Variants in EBF3 observed in about 807,000 individuals in gnomAD.
EBF3 encodes the protein transcription factor COE3.
EBF3 carries 18 observed loss-of-function variants against 77.1 expected under a neutral mutation model. The observed-to-expected ratio is 0.23, with a 90% CI of 0.16 to 0.35. The LOEUF is 0.35. Ranked by LOEUF, EBF3 falls within the 10% of genes least tolerant of loss-of-function variation. The pLI is 1.00. For synonymous variants in EBF3, 350 were observed against 343.5 expected (o/e 1.02, Z -0.21); for missense variants, 558 against 860.0 (o/e 0.65, Z 4.39).
intron 6 of EBF3, among the ~76,000 whole-genome samples, chr10:129,905,836 C>T (rs965419965): frequency 3.9e-5 from 6 of 152,170 alleles, no homozygotes; most frequent in Admixed American, 2.0e-4. Context: ...GTTGGGCCCC[C>T]GAGGTGACAT....
intron 6 of EBF3, among the ~76,000 whole-genome samples, chr10:129,888,272 C>A (rs1853758037): frequency 6.6e-6 from 1 of 152,176 alleles, no homozygotes; most frequent in South Asian, 2.1e-4. Context: ...ACTGAAGGGC[C>A]CGAGGCGGTG....
At chr10:129,875,228 G>A (rs556950452) in intron 7 of EBF3, among the ~76,000 whole-genome samples, 24 of 115,534 alleles carry the variant, frequency 2.1e-4, no homozygotes, top group African/African-American at 5.1e-4. Context: ...ATGGAGTCTC[G>A]CTCTGTTGCC....
At chr10:129,911,135 C>G (rs1409294148) in intron 6 of EBF3, among the ~76,000 whole-genome samples, 1 of 152,238 alleles carries the variant, frequency 6.6e-6, no homozygotes, top group Non-Finnish European at 1.5e-5. Flanking sequence ...CATGCCTCTG[C>G]CCCCACACGG....
rs181865025 is a variant in EBF3 at position 129,857,275 on chromosome 10, A to C, written c.1040-8795T>G. The stretch of plus-strand genomic sequence containing the variant: ...CATGCTGGATTATGTGTCTCCTATA[A>C]AACCGTCCTATTTCCACATAGGGGT... On this transcript the variant is annotated intron_variant, in intron 10 of 16. Transcript: ENST00000440978. 2.9e-3 allele frequency among the ~76,000 whole-genome samples: 435 copies of C among 152,246 alleles called. 3 individuals carry two copies. The highest frequency in any genetic ancestry group is 4.8e-3 in the Non-Finnish European group (329 of 67,996).
intron 6 of EBF3, among the ~76,000 whole-genome samples, chr10:129,904,627 AATGGATGGATGG>A (rs34613166): frequency 8.0e-4 from 120 of 149,824 alleles, no homozygotes; most frequent in Non-Finnish European, 2.8e-4. Context: ...TGGATGGACA[AATGGATGGATGG>A]ATGGATGGAT....
At chr10:129,929,044 G>A (rs141588432) in intron 6 of EBF3, among the ~76,000 whole-genome samples, 7 of 152,258 alleles carry the variant, frequency 4.6e-5, no homozygotes, top group African/African-American at 7.2e-5. Flanking sequence ...GGAGACCCTC[G>A]GGCTGTGCTC....
rs1314007304 is a variant in EBF3, at chr10:129,861,520, A to T, written c.1039+5621T>A. On this transcript the variant is annotated intron_variant, in intron 10 of 16. Transcript: ENST00000440978. This position sits in a 1 kb window ranked among gnomAD's most constrained non-coding sequence, Gnocchi z 4.3. ...GATAGAACCAACCTGATAGAAAAGC[A>T]AAGGTGCCTGGAGGGTGTCTATTCT... 6.7e-6 allele frequency among the ~76,000 whole-genome samples: 1 copy of T among 148,558 alleles called. No individual in the cohort carries two copies. Among genetic ancestry groups the T allele is most frequent in the Non-Finnish European group, 1.5e-5 (1 of 66,978 alleles).
intron 10 of EBF3, among the ~76,000 whole-genome samples, chr10:129,854,401 C>T (rs7067885): frequency 0.029 from 4,359 of 152,118 alleles, 85 homozygotes; most frequent in East Asian, 0.069. Context: ...GAAAAGCGGC[C>T]AGGGCAGCTG....
intron 6 of EBF3, among the ~76,000 whole-genome samples, chr10:129,932,285 G>A (rs929548590): frequency 6.6e-6 from 1 of 152,216 alleles, no homozygotes; most frequent in African/African-American, 2.4e-5. Flanking sequence ...TCACATTGGG[G>A]CATTCATTCC....
chr10:129,851,119 T>C (rs1850849774), intron 10 of EBF3, among the ~76,000 whole-genome samples: 1 of 152,216 alleles, frequency 6.6e-6, no homozygotes, highest in Non-Finnish European at 1.5e-5. Flanking sequence ...TTTGCTGATA[T>C]TAAGATAAAT....
rs1241819583 is a variant in EBF3, at chr10:129,864,121, C to T, written c.1039+3020G>A. Among the ~76,000 whole-genome samples, 1 of 152,086 alleles carries T rather than the reference C, an allele frequency of 6.6e-6. No individual in the cohort carries two copies. The highest frequency in any genetic ancestry group is 1.5e-5 in the Non-Finnish European group (1 of 68,022). ...GGCTGGAACTAAGGGGTCCACTGGT[C>T]CCTTAGTAGGAGGATATGAGACCTG... On this transcript the variant is annotated intron_variant, in intron 10 of 16. Transcript: ENST00000440978. This position sits in a 1 kb window ranked among gnomAD's most constrained non-coding sequence, Gnocchi z 4.4.
chr10:129,842,000 A>T lies in EBF3; in HGVS notation c.1372+116T>A. On this transcript the variant is annotated intron_variant, in intron 13 of 16. Coordinates refer to ENST00000440978, the MANE Select transcript of EBF3 (RefSeq NM_001375380.1). This position sits in a 1 kb window ranked among gnomAD's most constrained non-coding sequence, Gnocchi z 4.6. The stretch of plus-strand genomic sequence containing the variant: ...CAAAGGAACCAGCAGAGCCAGAGAG[A>T]ACAGAACGCTACGGACATTCCCCAG... 7.4e-7 allele frequency: 1 copy of T among 1,360,016 alleles called. No individual in the cohort carries two copies. The highest frequency in any genetic ancestry group is 1.0e-6 in the Non-Finnish European group (1 of 986,132). The allele number at this position is 1,360,016 out of a possible 1,614,324, so 84.2% of individuals were successfully genotyped here. A position where few individuals can be genotyped will look rare whatever the true frequency, so the allele number is the denominator to read the frequency against.
At chr10:129,958,564 G>T (rs942822308) in intron 5 of EBF3, among the ~76,000 whole-genome samples, 2 of 152,156 alleles carry the variant, frequency 1.3e-5, no homozygotes, top group Non-Finnish European at 2.9e-5. Flanking sequence ...ATCAATAACA[G>T]ACAATTGTAT....
chr10:129,895,255 C>G (rs1458117737), intron 6 of EBF3, among the ~76,000 whole-genome samples: 1 of 152,250 alleles, frequency 6.6e-6, no homozygotes, highest in Non-Finnish European at 1.5e-5. Flanking sequence ...GGGAAGCCAC[C>G]TGGCTGCTCT....
chr10:129,959,045 G>A (rs761949733), intron 4 of EBF3, 38 bp from the exon 5 acceptor site: 3 of 1,595,328 alleles, frequency 1.9e-6, no homozygotes, highest in Non-Finnish European at 2.6e-6. Flanking sequence ...GTTACGCGGC[G>A]CCCGCGGCTT....
intron 6 of EBF3, among the ~76,000 whole-genome samples, chr10:129,925,610 A>T (rs1199746531): frequency 6.6e-6 from 1 of 151,760 alleles, no homozygotes; most frequent in Non-Finnish European, 1.5e-5. Flanking sequence ...AAAAAAAAGA[A>T]AGAAAGAAAG....
At chr10:129,847,931 TA>T (rs1240082911) in intron 11 of EBF3, among the ~76,000 whole-genome samples, 1 of 152,202 alleles carries the variant, frequency 6.6e-6, no homozygotes, top group Non-Finnish European at 1.5e-5. Context: ...AAAAGCTTTG[TA>T]AACAAAAGAT....
At position 129,868,038 on chromosome 10, in the gene EBF3, G is replaced by T. The variant is rs367926964; in HGVS notation, c.782-126C>A. On this transcript the variant is annotated intron_variant, in intron 8 of 16. Transcript: ENST00000440978. Reference sequence around the variant, plus strand: ...GGCGCGCCGTTCCTCCAGGCGGCACGCAAAGGGCAACCGTAGATCAGCATG... The same window carrying T: ...GGCGCGCCGTTCCTCCAGGCGGCACTCAAAGGGCAACCGTAGATCAGCATG... 450 of 1,299,094 alleles carry T rather than the reference G, an allele frequency of 3.5e-4. 6 individuals are homozygous for T. In the African/African-American group the frequency reaches 5.9e-3, roughly 17 times the overall value. The allele number at this position is 1,299,094 out of a possible 1,614,324, so 80.5% of individuals were successfully genotyped here. A position where few individuals can be genotyped will look rare whatever the true frequency, so the allele number is the denominator to read the frequency against.
chr10:129,845,926 T>C (rs1850423017), intron 11 of EBF3: 1 of 111,706 alleles, frequency 9.0e-6, no homozygotes, highest in Admixed American at 1.2e-4. Context: ...TTGTTTTTTC[T>C]GCTTTCATTT....
Sources: gnomAD v4.1 joint callset for allele counts (sites outside exome capture counted in the v4.1 genomes callset) on GRCh38, gnomAD v4.1.1 for gene constraint, Gnocchi (gnomAD v3.1) non-coding constraint, MANE v1.5 for transcripts, NCBI Gene and HGNC (gene_info 2026-07-23, HGNC 2026-07-21) for gene names.